ARHGAP10: variants seen among roughly 807,000 people sequenced by gnomAD.
ARHGAP10 encodes the protein rho GTPase-activating protein 10.
Under a neutral mutation model 108.6 loss-of-function variants are expected in ARHGAP10, and 87 were observed. The ratio of observed to expected loss-of-function variants is 0.80; its 90% CI spans 0.67 to 0.96. The LOEUF (loss-of-function observed/expected upper bound fraction) is 0.96, where lower values mean the gene tolerates loss of function less well. Ranked by LOEUF, ARHGAP10 falls within the 40% of genes least tolerant of loss-of-function variation. ARHGAP10 has a pLI of 0.00. For synonymous variants in ARHGAP10, 347 were observed against 341.1 expected (o/e 1.02, Z -0.19); for missense variants, 939 against 954.5 (o/e 0.98, Z 0.21).
intron 1 of ARHGAP10, among the ~76,000 whole-genome samples, chr4:147,734,338 C>T (rs1728340761): frequency 6.6e-6 from 1 of 152,150 alleles, no homozygotes; most frequent in South Asian, 2.1e-4. Context: ...GTCAGCTTTC[C>T]TCCAGACTGT....
At chr4:147,975,688 T>C (rs1160338799) in intron 18 of ARHGAP10, among the ~76,000 whole-genome samples, 1 of 152,146 alleles carries the variant, frequency 6.6e-6, no homozygotes, top group Non-Finnish European at 1.5e-5. Flanking sequence ...ATAACATGAA[T>C]CCATTTGTGA....
chr4:147,958,272 G>A (rs1738863393), intron 16 of ARHGAP10, among the ~76,000 whole-genome samples: 1 of 152,190 alleles, frequency 6.6e-6, no homozygotes, highest in South Asian at 2.1e-4. Flanking sequence ...GAGTCATGGT[G>A]CTTAGTACGA....
chr4:147,856,659 A>G (rs565068310), intron 4 of ARHGAP10, among the ~76,000 whole-genome samples: 2 of 152,354 alleles, frequency 1.3e-5, no homozygotes, highest in Admixed American at 1.3e-4. Context: ...CCCCATACCC[A>G]AGATACCTCT....
chr4:147,902,290 T>C (rs1206307379), intron 10 of ARHGAP10, among the ~76,000 whole-genome samples: 2 of 152,188 alleles, frequency 1.3e-5, no homozygotes, highest in African/African-American at 4.8e-5. Context: ...ACCAGACTGT[T>C]CATGTGCAAT....
At chr4:147,882,829 A>G (rs574068448) in intron 10 of ARHGAP10, among the ~76,000 whole-genome samples, 13 of 152,358 alleles carry the variant, frequency 8.5e-5, no homozygotes, top group African/African-American at 2.9e-4. Context: ...GTCCTCCAGT[A>G]GCATTAAGGA....
chr4:147,963,326 C>T (rs1257969380), intron 16 of ARHGAP10, among the ~76,000 whole-genome samples: 1 of 152,180 alleles, frequency 6.6e-6, no homozygotes, highest in Non-Finnish European at 1.5e-5. Flanking sequence ...CTTCAGGACC[C>T]AATCTCCAAG....
At chr4:147,865,954 T>C (rs1734539389) in intron 6 of ARHGAP10, 1 of 152,198 alleles carries the variant, frequency 6.6e-6, no homozygotes, top group South Asian at 2.1e-4. Flanking sequence ...TATAACTCAA[T>C]GAGGAGATAA....
chr4:147,995,114 A>G (rs985758167), intron 18 of ARHGAP10, among the ~76,000 whole-genome samples: 1 of 152,112 alleles, frequency 6.6e-6, no homozygotes, highest in African/African-American at 2.4e-5. Flanking sequence ...CTTTTACTTT[A>G]TTTTATTATT....
intron 18 of ARHGAP10, among the ~76,000 whole-genome samples, chr4:148,000,036 C>G (rs915178103): frequency 1.3e-5 from 2 of 151,588 alleles, no homozygotes; most frequent in Non-Finnish European, 2.9e-5. Flanking sequence ...ATTAACTGGT[C>G]ATTTACATTA....
chr4:147,880,508 C>T (rs1014553895), intron 9 of ARHGAP10, among the ~76,000 whole-genome samples: 1 of 152,146 alleles, frequency 6.6e-6, no homozygotes, highest in Non-Finnish European at 1.5e-5. Flanking sequence ...TTAGTGATAT[C>T]TTTCTGTTTT....
At chr4:147,923,657 C>G in intron 13 of ARHGAP10, among the ~76,000 whole-genome samples, 1 of 152,194 alleles carries the variant, frequency 6.6e-6, no homozygotes. Context: ...CAAGATTTGA[C>G]AATCTTTCAT....
intron 7 of ARHGAP10, among the ~76,000 whole-genome samples, chr4:147,869,530 A>G (rs1045945033): frequency 2.0e-5 from 3 of 152,096 alleles, no homozygotes; most frequent in Admixed American, 6.5e-5. Context: ...AACTTACACA[A>G]TTGACAACAG....
chr4:148,021,960 TA>T (rs1388430533), intron 18 of ARHGAP10, among the ~76,000 whole-genome samples: 1 of 152,224 alleles, frequency 6.6e-6, no homozygotes, highest in African/African-American at 2.4e-5. Flanking sequence ...GTCTTTGAAG[TA>T]GCTTATTTTT....
chr4:148,067,860 T>C (rs1729966100), intron 22 of ARHGAP10, among the ~76,000 whole-genome samples: 1 of 152,180 alleles, frequency 6.6e-6, no homozygotes, highest in South Asian at 2.1e-4. Flanking sequence ...CTGTCCTTGT[T>C]CTTTGCTCTT....
chr4:147,856,546 T>C (rs1734088079), intron 4 of ARHGAP10, among the ~76,000 whole-genome samples: 1 of 152,236 alleles, frequency 6.6e-6, no homozygotes, highest in African/African-American at 2.4e-5. Context: ...ACATAAGCTT[T>C]ATTTCATGTA....
At chr4:148,071,476 C>T (rs1415946816) in intron 22 of ARHGAP10, among the ~76,000 whole-genome samples, 1 of 152,142 alleles carries the variant, frequency 6.6e-6, no homozygotes, top group Non-Finnish European at 1.5e-5. Context: ...ATTAGCCAGG[C>T]ATGGTGGTGC....
intron 18 of ARHGAP10, among the ~76,000 whole-genome samples, chr4:148,012,421 A>G (rs1316317806): frequency 6.6e-6 from 1 of 152,178 alleles, no homozygotes; most frequent in Non-Finnish European, 1.5e-5. Flanking sequence ...CTTAAACTGA[A>G]TTGTGCAGTT....
intron 4 of ARHGAP10, among the ~76,000 whole-genome samples, chr4:147,856,287 TAACCAA>T (rs1734078692): frequency 6.6e-6 from 1 of 152,250 alleles, no homozygotes; most frequent in South Asian, 2.1e-4. Context: ...TTTGTGATGT[TAACCAA>T]AGGGTGAGTA....
At chr4:147,967,551 C>T (rs1302799118) in intron 18 of ARHGAP10, among the ~76,000 whole-genome samples, 1 of 152,198 alleles carries the variant, frequency 6.6e-6, no homozygotes, top group Non-Finnish European at 1.5e-5. Flanking sequence ...ATACTCTTCC[C>T]TCCCACCATA....
Sources: gnomAD v4.1 joint callset for allele counts (sites outside exome capture counted in the v4.1 genomes callset) on GRCh38, gnomAD v4.1.1 for gene constraint, MANE v1.5 for transcripts, NCBI Gene and HGNC (gene_info 2026-07-23, HGNC 2026-07-21) for gene names.